EFR3B: variants seen among roughly 807,000 people sequenced by gnomAD.
The protein encoded by EFR3B is EFR3 homolog B.
A neutral mutation model predicts 104.7 loss-of-function variants in EFR3B; 64 were observed. The ratio of observed to expected loss-of-function variants is 0.61; its 90% CI spans 0.50 to 0.75. The LOEUF (loss-of-function observed/expected upper bound fraction) is 0.75, where lower values mean the gene tolerates loss of function less well. EFR3B is among the 30% of genes least tolerant of loss of function. EFR3B has a pLI of 0.00. For missense variants in EFR3B, 750 were observed against 1,078.5 expected (o/e 0.70, Z 4.27); for synonymous variants, 385 against 417.9 (o/e 0.92, Z 0.96).
At position 25,136,831 on chromosome 2, in the gene EFR3B, G is replaced by A. The variant is rs760771179; in HGVS notation, c.1560+233G>A. ...CTCGGGAGGCTGAGGCAGGAGAATC[G>A]CTTGAACCCAGAAGGTGGAGGTTGC... On this transcript the variant is annotated intron_variant, in intron 14 of 22. Transcript: ENST00000403714. This position sits in a 1 kb window ranked among gnomAD's most constrained non-coding sequence, Gnocchi z 4.0. Among the ~76,000 whole-genome samples the A allele has an allele frequency of 2.6e-5, 4 of 152,170 alleles. No individual in the cohort carries two copies. The highest frequency in any genetic ancestry group is 1.9e-4 in the East Asian group (1 of 5,196).
rs533018467 is a variant in EFR3B at position 25,131,523 on chromosome 2, C to T, written c.985+20C>T. 1.1e-5 allele frequency: 17 copies of T among 1,547,406 alleles called. 1 individual carries two copies. In the East Asian group the frequency reaches 3.7e-4, roughly 33 times the overall value. ...CTGTGGGTAAGGGGCATGGCTAGGG[C>T]CTGAGGGCCGGGGACCCCGCGGAGG... On this transcript the variant is annotated intron_variant, in intron 9 of 22. Transcript: ENST00000403714. The surrounding 1 kb of genome is among the most constrained non-coding windows in gnomAD (Gnocchi z 7.6).
At chr2:25,098,096 G>C (rs151185076) in intron 3 of EFR3B, among the ~76,000 whole-genome samples, 1 of 152,054 alleles carries the variant, frequency 6.6e-6, no homozygotes, top group Non-Finnish European at 1.5e-5. Context: ...TAGGGATACC[G>C]CAGACCCCTA....
At chr2:25,096,769 G>A (rs886860641) in intron 3 of EFR3B, among the ~76,000 whole-genome samples, 6 of 152,186 alleles carry the variant, frequency 3.9e-5, no homozygotes, top group Non-Finnish European at 7.3e-5. Flanking sequence ...AGGAGAAGAC[G>A]GAGCTGGTCT....
Position 25,042,557 on chromosome 2 carries a change from G to A in EFR3B, c.7+238G>A. Reference sequence around the variant, plus strand: ...CGGCGCGTGCCGGTGCTGGGCGGTGGTCCTTCGGGGGGCGGAGGCTCAGGG... The same window carrying A: ...CGGCGCGTGCCGGTGCTGGGCGGTGATCCTTCGGGGGGCGGAGGCTCAGGG... On this transcript the variant is annotated intron_variant, in intron 1 of 22. Transcript: ENST00000403714. The surrounding 1 kb of genome is among the most constrained non-coding windows in gnomAD (Gnocchi z 5.4). The A allele has an allele frequency of 8.3e-7, 1 of 1,204,820 alleles. No individual in the cohort carries two copies. Among genetic ancestry groups the A allele is most frequent in the Non-Finnish European group, 1.0e-6 (1 of 970,946 alleles). The allele number at this position is 1,204,820 out of a possible 1,614,324, so 74.6% of individuals were successfully genotyped here.
chr2:25,051,530 A>ATTCACC (rs1435200547), intron 1 of EFR3B, among the ~76,000 whole-genome samples: 19 of 151,936 alleles, frequency 1.3e-4, no homozygotes, highest in Admixed American at 1.2e-3. Context: ...CCATATTTTA[A>ATTCACC]TTCACCGCAT....
At chr2:25,102,790 A>G (rs1669460787) in intron 3 of EFR3B, among the ~76,000 whole-genome samples, 1 of 152,178 alleles carries the variant, frequency 6.6e-6, no homozygotes, top group Non-Finnish European at 1.5e-5. Flanking sequence ...TAGACTTCAG[A>G]GGAATTGTTT....
intron 1 of EFR3B, among the ~76,000 whole-genome samples, chr2:25,091,045 C>T (rs1669098551): frequency 6.6e-6 from 1 of 152,212 alleles, no homozygotes; most frequent in African/African-American, 2.4e-5. Context: ...CAAAATGCTC[C>T]CTGTGGCCTG....
intron 5 of EFR3B, among the ~76,000 whole-genome samples, chr2:25,123,359 C>CAAA (rs58615324): frequency 2.5e-5 from 3 of 118,308 alleles, no homozygotes; most frequent in Non-Finnish European, 5.4e-5. Flanking sequence ...GACCCTGTCT[C>CAAA]AAAAAAAAAA....
At chr2:25,142,481 T>C (rs1054439921) in intron 17 of EFR3B, among the ~76,000 whole-genome samples, 3 of 143,780 alleles carry the variant, frequency 2.1e-5, no homozygotes, top group African/African-American at 7.8e-5. Flanking sequence ...CCGGTCACAG[T>C]GGCTTATGCC....
intron 1 of EFR3B, among the ~76,000 whole-genome samples, chr2:25,063,162 A>G (rs1668245317): frequency 6.8e-6 from 1 of 146,472 alleles, no homozygotes; most frequent in African/African-American, 2.5e-5. Context: ...CTGGTTTTGA[A>G]CTCCTGACCT....
At chr2:25,145,498 T>C in intron 19 of EFR3B, 1 of 190,710 alleles carries the variant, frequency 5.2e-6, no homozygotes, top group Non-Finnish European at 1.1e-5. Flanking sequence ...CACCTGAGCC[T>C]GGGAGGTCAA....
intron 4 of EFR3B, 84 bp downstream of exon 4, chr2:25,103,871 T>C (rs944729534): frequency 2.0e-6 from 3 of 1,487,946 alleles, no homozygotes; most frequent in Middle Eastern, 3.8e-4. Flanking sequence ...GGGTCGGCAC[T>C]GTCATGTTCT....
At chr2:25,148,759 A>AT (rs1670916043) in intron 19 of EFR3B, among the ~76,000 whole-genome samples, 1 of 149,708 alleles carries the variant, frequency 6.7e-6, no homozygotes, top group Non-Finnish European at 1.5e-5. Context: ...CGTCTCTACT[A>AT]AAAATACAAA....
chr2:25,091,217 C>A, intron 1 of EFR3B, 108 bp from the exon 2 acceptor site: 3 of 1,063,338 alleles, frequency 2.8e-6, no homozygotes, highest in Non-Finnish European at 1.4e-6. Flanking sequence ...CTGTCTGATT[C>A]CAGCCTGTCT....
intron 1 of EFR3B, among the ~76,000 whole-genome samples, chr2:25,067,990 C>T (rs1341290688): frequency 6.6e-6 from 1 of 152,032 alleles, no homozygotes; most frequent in East Asian, 1.9e-4. Flanking sequence ...TTTCCAGTCC[C>T]CTATGGATGA....
At chr2:25,098,191 C>T (rs979539842) in intron 3 of EFR3B, among the ~76,000 whole-genome samples, 23 of 152,156 alleles carry the variant, frequency 1.5e-4, no homozygotes, top group Non-Finnish European at 2.5e-4. Flanking sequence ...CCAGAAGATT[C>T]TGTCTAGGAG....
chr2:25,054,469 C>T (rs1348588097), intron 1 of EFR3B, among the ~76,000 whole-genome samples: 1 of 151,962 alleles, frequency 6.6e-6, no homozygotes, highest in East Asian at 1.9e-4. Flanking sequence ...TTACAGGCAG[C>T]TGCCACCACT....
chr2:25,144,657 T>C (rs1440094375), intron 18 of EFR3B, among the ~76,000 whole-genome samples: 6 of 152,276 alleles, frequency 3.9e-5, no homozygotes, highest in African/African-American at 1.2e-4. Flanking sequence ...ACTGGTGCTC[T>C]TAGCAGATCA....
intron 3 of EFR3B, among the ~76,000 whole-genome samples, chr2:25,097,923 C>T (rs900587185): frequency 2.6e-5 from 4 of 152,118 alleles, no homozygotes; most frequent in African/African-American, 9.7e-5. Flanking sequence ...GGAGCTCTCA[C>T]CCAGCCAGGA....
Sources: allele counts gnomAD v4.1 joint callset (sites outside exome capture counted in the v4.1 genomes callset), GRCh38; gene constraint gnomAD v4.1.1; non-coding constraint Gnocchi (gnomAD v3.1); transcripts MANE v1.5; gene names NCBI Gene and HGNC (gene_info 2026-07-23, HGNC 2026-07-21).